Variants in LAMC3 observed in about 807,000 individuals in gnomAD.
The protein encoded by LAMC3 is laminin subunit gamma-3.
A neutral mutation model predicts 173.8 loss-of-function variants in LAMC3; 128 were observed. That is an observed-to-expected ratio of 0.74 (90% CI 0.64 to 0.85). LAMC3 has a LOEUF of 0.85. Among genes scored for constraint, LAMC3 ranks in the 40% least tolerant of loss-of-function variants. LAMC3 has a pLI of 0.00. For synonymous variants in LAMC3, 897 were observed against 909.1 expected, an observed-to-expected ratio of 0.99 and a Z score of 0.24; for missense variants, 2,022 against 2,156.0, an observed-to-expected ratio of 0.94 and a Z score of 1.23.
chr9:131,090,272 C>G (rs1830401808), intron 27 of LAMC3, among the ~76,000 whole-genome samples: 1 of 152,232 alleles, frequency 6.6e-6, no homozygotes, highest in Admixed American at 6.5e-5. Flanking sequence ...CACTGTCATT[C>G]ATTCACTTGT....
At chr9:131,082,652 T>G (rs1395841282) in intron 24 of LAMC3, among the ~76,000 whole-genome samples, 1 of 152,222 alleles carries the variant, frequency 6.6e-6, no homozygotes, top group African/African-American at 2.4e-5. Flanking sequence ...GGGTCAGAGC[T>G]AAGCTGGGAA....
At chr9:131,019,316 A>G (rs1036518889) in intron 1 of LAMC3, among the ~76,000 whole-genome samples, 2 of 152,160 alleles carry the variant, frequency 1.3e-5, no homozygotes, top group African/African-American at 4.8e-5. Flanking sequence ...CCCTACCTGT[A>G]ACCTCCCCTT....
chr9:131,038,091 C>T (rs1484375400), intron 4 of LAMC3, among the ~76,000 whole-genome samples: 1 of 152,226 alleles, frequency 6.6e-6, no homozygotes, highest in Non-Finnish European at 1.5e-5. Flanking sequence ...CTCCTGTCTG[C>T]GACGCCCTTC....
Position 131,070,674 on chromosome 9 carries a change from A to G in LAMC3, c.3070-810A>G, listed in dbSNP as rs932664905. 2.4e-4 allele frequency among the ~76,000 whole-genome samples: 36 copies of G among 152,100 alleles called. 1 individual carries two copies. Among genetic ancestry groups the G allele is most frequent in the African/African-American group, 8.0e-4 (33 of 41,476 alleles). ...CGCAGGGAGCCAAGATCATGACTGC[A>G]CTGCACTCCAGCCTGGGTGACAGAG... is the stretch of plus-strand genomic sequence containing the variant. On this transcript the variant is annotated intron_variant, in intron 17 of 27. Transcript: ENST00000361069.
At chr9:131,048,876 G>T in intron 8 of LAMC3, 144 bp from the exon 9 acceptor site, 1 of 596,196 alleles carries the variant, frequency 1.7e-6, no homozygotes, top group South Asian at 2.1e-5. Context: ...GTCTGACCAT[G>T]CCCCCAAGCA....
chr9:131,077,164 C>A lies in LAMC3; in HGVS notation c.3630-23C>A, dbSNP rs1251491214. 18 of 1,612,392 alleles carry A rather than the reference C, an allele frequency of 1.1e-5. No homozygotes were observed. In the East Asian group the frequency reaches 4.0e-4, roughly 36 times the overall value. On this transcript the variant is annotated intron_variant, in intron 21 of 27. Transcript: ENST00000361069. Reference sequence around the variant, plus strand: ...GGGAGGGCTAGTTCTGCACCCAGCTCCGTGGCCTCTGCTTCCTCCCAGGTA... The same window carrying A: ...GGGAGGGCTAGTTCTGCACCCAGCTACGTGGCCTCTGCTTCCTCCCAGGTA...
intron 1 of LAMC3, among the ~76,000 whole-genome samples, chr9:131,021,937 C>G (rs13289244): frequency 0.11 from 16,830 of 152,174 alleles, 1,816 homozygotes; most frequent in African/African-American, 0.28. Context: ...GTGCCACCCT[C>G]CAGGAACCTC....
intron 13 of LAMC3, among the ~76,000 whole-genome samples, chr9:131,062,181 T>C (rs1366287954): frequency 6.6e-6 from 1 of 151,860 alleles, no homozygotes; most frequent in East Asian, 1.9e-4. Context: ...GCTAACACGG[T>C]GAAACCCGTC....
At chr9:131,091,492 G>T (rs777400811) in intron 27 of LAMC3, 45 bp from the exon 28 acceptor site, 1 of 1,555,472 alleles carries the variant, frequency 6.4e-7, no homozygotes, top group South Asian at 1.2e-5. Context: ...CCTGGGGCCT[G>T]CAGGGCTGCT....
chr9:131,020,240 C>T (rs1002967525), intron 1 of LAMC3, among the ~76,000 whole-genome samples: 5 of 152,166 alleles, frequency 3.3e-5, no homozygotes, highest in Admixed American at 3.3e-4. Context: ...AGGGGAGTCA[C>T]ACCCAGCAGG....
At position 131,061,088 on chromosome 9, in the gene LAMC3, C is replaced by T. The variant is rs767727744; in HGVS notation, c.2212C>T (p.Pro738Ser). The T allele has an allele frequency of 1.9e-6, 3 of 1,614,042 alleles. No individual in the cohort carries two copies. In the African/African-American group the frequency reaches 4.0e-5, roughly 22 times the overall value. ...GGGCCCATCCTGTGAACGCTGTTTG[C>T]CAGGTTTCTATGGCAACCCTTTCGC... ...TEGPSCERCL[P>S]GFYGNPFAGQ... The change falls in exon 13 of 28, where the codon CCA becomes TCA. Residue 738 changes from proline to serine, a missense_variant. Pro to Ser is a moderately conservative substitution (Grantham distance 74, BLOSUM62 -1). Transcript: ENST00000361069.
intron 12 of LAMC3, among the ~76,000 whole-genome samples, chr9:131,059,934 C>T (rs1829775305): frequency 6.6e-6 from 1 of 152,224 alleles, no homozygotes; most frequent in East Asian, 1.9e-4. Context: ...TGTGCCTTGG[C>T]TGCTGGGGTG....
Position 131,073,472 on chromosome 9 carries a change from G to A in LAMC3, c.3494+151G>A, listed in dbSNP as rs1012528816. 7 of 702,408 alleles carry A rather than the reference G, an allele frequency of 1.0e-5. No individual in the cohort carries two copies. The African/African-American group carries it at 1.1e-4, about 11-fold the overall frequency. The allele number at this position is 702,408 out of a possible 1,614,324, so 43.5% of individuals were successfully genotyped here. On this transcript the variant is annotated intron_variant, in intron 20 of 27. Transcript: ENST00000361069. ...GGCAGTGTCACCAGCATGGGGAGGGGCAGGCAAGGTGGGTATAAGTCCAGA... is the reference window on the plus strand; with the variant it reads ...GGCAGTGTCACCAGCATGGGGAGGGACAGGCAAGGTGGGTATAAGTCCAGA...
chr9:131,084,734 TAA>T (rs373243323), intron 24 of LAMC3, among the ~76,000 whole-genome samples: 4 of 143,516 alleles, frequency 2.8e-5, no homozygotes, highest in Admixed American at 7.0e-5. Flanking sequence ...CCATCTCTAC[TAA>T]AAAAAAAAAA....
intron 1 of LAMC3, among the ~76,000 whole-genome samples, chr9:131,011,384 A>G (rs1380925764): frequency 2.6e-5 from 4 of 152,240 alleles, no homozygotes; most frequent in Non-Finnish European, 5.9e-5. Context: ...GTGGACATCC[A>G]TGGACATCAG....
intron 4 of LAMC3, among the ~76,000 whole-genome samples, chr9:131,037,102 G>C (rs568307105): frequency 6.6e-6 from 1 of 152,318 alleles, no homozygotes; most frequent in South Asian, 2.1e-4. Context: ...TCTGAGGGTG[G>C]GGCACTGTCT....
intron 15 of LAMC3, 144 bp downstream of exon 15, chr9:131,068,375 C>A: frequency 1.2e-6 from 1 of 831,050 alleles, no homozygotes; most frequent in Non-Finnish European, 1.9e-6. Context: ...CGAAGGGGAG[C>A]AAAGGGATGG....
rs1050538040 is a variant in LAMC3, at chr9:131,071,592, G to T, written c.3178G>T (p.Gly1060Trp). ...LDILLGEAPR[G>W]DVYQGHHLLP... The stretch of plus-strand genomic sequence containing the variant: ...CATTCTGCTGGGAGAGGCCCCAAGG[G>T]GGGACGTCTACCAGGGCCATCACCT... The change falls in exon 18 of 28, where the codon GGG (glycine) becomes TGG (tryptophan). Residue 1060 changes from glycine (G) to tryptophan (W), a missense_variant. Transcript: ENST00000361069. The T allele has an allele frequency of 3.1e-6, 5 of 1,604,124 alleles. No individual in the cohort carries two copies. Among genetic ancestry groups the T allele is most frequent in the Non-Finnish European group, 4.3e-6 (5 of 1,173,462 alleles).
intron 10 of LAMC3, 79 bp from the exon 11 acceptor site, chr9:131,052,770 TG>T (rs1444762713): frequency 2.2e-5 from 30 of 1,383,520 alleles, no homozygotes; most frequent in Middle Eastern, 3.6e-4. Context: ...CCCTGTAGTC[TG>T]GGGGGCTACC....
Sources: allele counts gnomAD v4.1 joint callset (sites outside exome capture counted in the v4.1 genomes callset), GRCh38; gene constraint gnomAD v4.1.1; transcripts MANE v1.5; gene names NCBI Gene and HGNC (gene_info 2026-07-23, HGNC 2026-07-21).